Variants in NCAM1 observed in about 807,000 individuals in gnomAD.
NCAM1 encodes antigen recognized by monoclonal antibody 5.1H11.
Under a neutral mutation model 109.8 loss-of-function variants are expected in NCAM1, and 14 were observed. That is an observed-to-expected ratio of 0.13 (90% CI 0.08 to 0.20). NCAM1 has a LOEUF of 0.20. Ranked by LOEUF, NCAM1 falls within the 10% of genes least tolerant of loss-of-function variation. The pLI, the probability that NCAM1 is intolerant of heterozygous loss-of-function variation, is 1.00. For synonymous variants in NCAM1, 418 were observed against 442.9 expected (o/e 0.94, Z 0.70); for missense variants, 774 against 1,109.9 (o/e 0.70, Z 4.30).
chr11:113,036,320 A>G (rs1168551064), intron 1 of NCAM1, among the ~76,000 whole-genome samples: 2 of 151,818 alleles, frequency 1.3e-5, no homozygotes, highest in African/African-American at 4.8e-5. Context: ...TTCCTTTTCC[A>G]GGCTGGACGC....
chr11:113,069,797 G>T (rs1389360231), intron 1 of NCAM1, among the ~76,000 whole-genome samples: 3 of 152,180 alleles, frequency 2.0e-5, no homozygotes, highest in Non-Finnish European at 4.4e-5. Context: ...GTAGACGGGA[G>T]GGAGAAAGGA....
At chr11:113,171,259 C>T (rs1942980458) in intron 1 of NCAM1, among the ~76,000 whole-genome samples, 1 of 152,206 alleles carries the variant, frequency 6.6e-6, no homozygotes, top group Non-Finnish European at 1.5e-5. Flanking sequence ...AATTTGAACC[C>T]AGATCTCTCT....
intron 1 of NCAM1, among the ~76,000 whole-genome samples, chr11:112,980,133 C>T (rs1372336241): frequency 1.3e-5 from 2 of 151,770 alleles, no homozygotes; most frequent in African/African-American, 2.4e-5. Context: ...TAAATCAAAG[C>T]CACAGTGAGA....
intron 1 of NCAM1, among the ~76,000 whole-genome samples, chr11:113,095,105 A>G (rs1465126004): frequency 1.3e-5 from 2 of 152,198 alleles, no homozygotes; most frequent in African/African-American, 4.8e-5. Context: ...CTAAATCTTG[A>G]TATTTCATGG....
intron 1 of NCAM1, among the ~76,000 whole-genome samples, chr11:113,075,474 T>C (rs1263052402): frequency 2.0e-5 from 3 of 152,190 alleles, no homozygotes; most frequent in Non-Finnish European, 1.5e-5. Context: ...ATCGGATGCC[T>C]GGTCACTGGC....
intron 1 of NCAM1, among the ~76,000 whole-genome samples, chr11:113,076,950 A>G (rs75617068): frequency 0.05 from 7,643 of 152,312 alleles, 577 homozygotes; most frequent in Admixed American, 0.17. Context: ...TTGATTGTGA[A>G]TATGACTACT....
At chr11:113,123,679 G>T (rs1283296316) in intron 1 of NCAM1, among the ~76,000 whole-genome samples, 1 of 152,176 alleles carries the variant, frequency 6.6e-6, no homozygotes, top group Non-Finnish European at 1.5e-5. Flanking sequence ...TCTCCTTAGA[G>T]CCCCTTCAGG....
chr11:112,980,899 G>A (rs139309999), intron 1 of NCAM1, among the ~76,000 whole-genome samples: 263 of 151,932 alleles, frequency 1.7e-3, no homozygotes, highest in Non-Finnish European at 2.9e-3. Context: ...ATGTGAGCAT[G>A]CTAAGATTAC....
intron 1 of NCAM1, among the ~76,000 whole-genome samples, chr11:113,139,246 T>C (rs1010706804): frequency 6.6e-6 from 1 of 152,246 alleles, no homozygotes; most frequent in African/African-American, 2.4e-5. Context: ...GTCAGATCTT[T>C]GATATTTATT....
At chr11:113,087,410 G>GT (rs1348103327) in intron 1 of NCAM1, among the ~76,000 whole-genome samples, 1 of 152,114 alleles carries the variant, frequency 6.6e-6, no homozygotes, top group Non-Finnish European at 1.5e-5. Context: ...AGCTGACTTT[G>GT]TTTTTTGTTT....
chr11:112,977,991 T>A (rs781975739), intron 1 of NCAM1, among the ~76,000 whole-genome samples: 1 of 151,874 alleles, frequency 6.6e-6, no homozygotes, highest in African/African-American at 2.4e-5. Context: ...TGCAGTGTTT[T>A]GTGGAAGAAG....
At chr11:113,263,535 T>C (rs1290741290) in intron 17 of NCAM1, 1 of 985,708 alleles carries the variant, frequency 1.0e-6, no homozygotes, top group African/African-American at 1.7e-5. Context: ...TGTTGGATAT[T>C]TTCTGGGGCT....
chr11:113,034,955 C>G (rs1389548325), intron 1 of NCAM1, among the ~76,000 whole-genome samples: 1 of 152,172 alleles, frequency 6.6e-6, no homozygotes, highest in East Asian at 1.9e-4. Flanking sequence ...GTTAAGAAGA[C>G]TCTGTTAATA....
At chr11:113,046,909 A>T (rs1413618384) in intron 1 of NCAM1, among the ~76,000 whole-genome samples, 1 of 139,892 alleles carries the variant, frequency 7.1e-6, no homozygotes, top group South Asian at 2.4e-4. Context: ...AAAGGAAGAA[A>T]GATGATAGAT....
intron 1 of NCAM1, chr11:113,197,341 C>A (rs1555111009): frequency 6.5e-6 from 1 of 154,844 alleles, no homozygotes; most frequent in African/African-American, 2.4e-5. Flanking sequence ...CCTTAGCATT[C>A]AGTTATACTT....
At chr11:112,996,723 T>A (rs1313890770) in intron 1 of NCAM1, among the ~76,000 whole-genome samples, 1 of 152,168 alleles carries the variant, frequency 6.6e-6, no homozygotes, top group Non-Finnish European at 1.5e-5. Context: ...CCTGTAATGA[T>A]TTATCATTTG....
At chr11:113,134,534 T>TAA (rs1355576627) in intron 1 of NCAM1, among the ~76,000 whole-genome samples, 1 of 152,168 alleles carries the variant, frequency 6.6e-6, no homozygotes, top group Non-Finnish European at 1.5e-5. Context: ...CTTGTATTAT[T>TAA]AAATTTTCAA....
intron 1 of NCAM1, among the ~76,000 whole-genome samples, chr11:113,069,229 C>T (rs1938143253): frequency 6.6e-6 from 1 of 152,102 alleles, no homozygotes; most frequent in African/African-American, 2.4e-5. Flanking sequence ...GGCACTCAAA[C>T]TCAGGCAGAA....
chr11:113,167,375 T>A (rs1045391361), intron 1 of NCAM1, among the ~76,000 whole-genome samples: 2 of 152,256 alleles, frequency 1.3e-5, no homozygotes, highest in African/African-American at 4.8e-5. Context: ...GGGAACCACC[T>A]TCCAGAGTCT....
Sources: gnomAD v4.1 joint callset for allele counts (sites outside exome capture counted in the v4.1 genomes callset) on GRCh38, gnomAD v4.1.1 for gene constraint, MANE v1.5 for transcripts, NCBI Gene and HGNC (gene_info 2026-07-23, HGNC 2026-07-21) for gene names.